Variants in SEPTIN9 observed in about 807,000 individuals in gnomAD.
SEPTIN9 encodes septin 9.
In SEPTIN9, 13 loss-of-function variants were observed where a neutral mutation model predicts 56.6. The ratio of observed to expected loss-of-function variants is 0.23; its 90% CI spans 0.15 to 0.37. The LOEUF (loss-of-function observed/expected upper bound fraction) is 0.37, where lower values mean the gene tolerates loss of function less well. SEPTIN9 is among the 10% of genes least tolerant of loss of function. The probability of loss-of-function intolerance (pLI) is 1.00; values close to 1 mark genes in which losing one functional copy is unlikely to be tolerated. For synonymous variants in SEPTIN9, 332 were observed against 334.1 expected (o/e 0.99, Z 0.07); for missense variants, 650 against 823.1 (o/e 0.79, Z 2.57).
intron 4 of SEPTIN9, among the ~76,000 whole-genome samples, chr17:77,484,604 G>GTGGTGA (rs1568111341): frequency 1.2e-4 from 17 of 147,240 alleles, no homozygotes; most frequent in East Asian, 4.1e-4. Context: ...TGTGATGGTG[G>GTGGTGA]TGGTGATGGT....
At chr17:77,412,251 C>T (rs560261238) in intron 3 of SEPTIN9, among the ~76,000 whole-genome samples, 4 of 152,048 alleles carry the variant, frequency 2.6e-5, no homozygotes, top group African/African-American at 7.2e-5. Context: ...GGGCCCTGTG[C>T]AGTGATGGTC....
intron 2 of SEPTIN9, among the ~76,000 whole-genome samples, chr17:77,359,117 G>A (rs1456470131): frequency 6.6e-6 from 1 of 152,186 alleles, no homozygotes; most frequent in Non-Finnish European, 1.5e-5. Flanking sequence ...TGACCTGAAA[G>A]TTAAACACTT....
intron 2 of SEPTIN9, among the ~76,000 whole-genome samples, chr17:77,372,934 G>A (rs776253303): frequency 4.6e-5 from 7 of 152,186 alleles, no homozygotes; most frequent in Admixed American, 1.3e-4. Flanking sequence ...ACTTTGTTTG[G>A]CTGCCCAAAT....
At chr17:77,299,229 G>A (rs1249409514) in intron 1 of SEPTIN9, among the ~76,000 whole-genome samples, 1 of 152,200 alleles carries the variant, frequency 6.6e-6, no homozygotes, top group Non-Finnish European at 1.5e-5. Flanking sequence ...GCCCAAGGGA[G>A]CTAAAGGCCA....
intron 4 of SEPTIN9, among the ~76,000 whole-genome samples, chr17:77,485,053 T>G (rs1414830757): frequency 1.8e-4 from 2 of 11,156 alleles, no homozygotes; most frequent in African/African-American, 2.9e-4. Flanking sequence ...TGGTGGTGAT[T>G]GTGGTGGTGG....
intron 2 of SEPTIN9, among the ~76,000 whole-genome samples, chr17:77,396,144 G>A (rs367672642): frequency 4.3e-4 from 65 of 152,198 alleles, no homozygotes; most frequent in East Asian, 3.9e-3. Context: ...CTCTATGGGT[G>A]GGGGGGTGAC....
In SEPTIN9 at chr17:77,437,139, A is replaced by AC. The variant is rs2037372247; in HGVS notation, c.721+34441dup. Among the ~76,000 whole-genome samples, 1 of 151,742 alleles carries AC rather than the reference A, an allele frequency of 6.6e-6. No homozygotes were observed. The highest frequency in any genetic ancestry group is 1.5e-5 in the Non-Finnish European group (1 of 67,906). On this transcript the variant is annotated intron_variant, in intron 3 of 11. Coordinates refer to ENST00000427177, the MANE Select transcript of SEPTIN9 (RefSeq NM_001113491.2). The surrounding 1 kb of genome is among the most constrained non-coding windows in gnomAD (Gnocchi z 5.3). ...TTGGCATCAGCATCCCTGCCTTGAC[A>AC]CCCCCGTGTGGCAGCTGCTGTGATT...
intron 2 of SEPTIN9, chr17:77,373,579 C>T (rs1464807953): frequency 2.6e-6 from 4 of 1,541,288 alleles, no homozygotes; most frequent in Admixed American, 4.0e-5. Flanking sequence ...CTGCTGCGGC[C>T]GCGGACGTGC....
chr17:77,488,997 T>C (rs1257069240), intron 7 of SEPTIN9, 133 bp downstream of exon 7: 2 of 1,178,830 alleles, frequency 1.7e-6, no homozygotes, highest in Non-Finnish European at 2.4e-6. Context: ...GGCCGCCAGC[T>C]ATGAAGTTGG....
intron 2 of SEPTIN9, among the ~76,000 whole-genome samples, chr17:77,325,007 C>T (rs1468824569): frequency 6.6e-6 from 1 of 151,874 alleles, no homozygotes; most frequent in Non-Finnish European, 1.5e-5. Context: ...TTAGTAGAGA[C>T]GGGGTTTCAC....
chr17:77,392,234 T>C (rs2035564986), intron 2 of SEPTIN9, among the ~76,000 whole-genome samples: 1 of 151,916 alleles, frequency 6.6e-6, no homozygotes, highest in African/African-American at 2.4e-5. Context: ...ACCTCCGGAG[T>C]GCCTGGGACT....
In SEPTIN9 at chr17:77,390,047, G is replaced by A. The variant is rs903166659; in HGVS notation, c.77-12012G>A. Among the ~76,000 whole-genome samples, 12 of 152,288 alleles carry A rather than the reference G, an allele frequency of 7.9e-5. No homozygotes were observed. The East Asian group carries it at 1.7e-3, about 22-fold the overall frequency. On this transcript the variant is annotated intron_variant, in intron 2 of 11. Coordinates refer to ENST00000427177, the MANE Select transcript of SEPTIN9 (RefSeq NM_001113491.2). The stretch of plus-strand genomic sequence containing the variant: ...CGGGAGCAGGCACAGAGAGGCCTTC[G>A]TCCCGGATCAGTCGCTGTTGCCCTC...
chr17:77,410,706 A>AT (rs971922966), intron 3 of SEPTIN9, among the ~76,000 whole-genome samples: 3 of 152,128 alleles, frequency 2.0e-5, no homozygotes, highest in African/African-American at 7.2e-5. Flanking sequence ...CGCCTGGGGG[A>AT]TTCGTGTTAA....
Position 77,475,132 on chromosome 17 carries a change from C to T in SEPTIN9, c.722-7012C>T, listed in dbSNP as rs969388369. On this transcript the variant is annotated intron_variant, in intron 3 of 11. Coordinates refer to ENST00000427177, the MANE Select transcript of SEPTIN9 (RefSeq NM_001113491.2). The surrounding 1 kb of genome is among the most constrained non-coding windows in gnomAD (Gnocchi z 4.6). ...TTGCCGGGGCTTGCCGTGAGCCCTA[C>T]GCTGCTCTGAAGAAAGCCGGGCTGG... The T allele has an allele frequency of 2.1e-5, 17 of 821,032 alleles. No homozygotes were observed. Among genetic ancestry groups the T allele is most frequent in the African/African-American group, 1.6e-4 (9 of 56,252 alleles). The allele number at this position is 821,032 out of a possible 1,614,324, so 50.9% of individuals were successfully genotyped here.
In SEPTIN9 at chr17:77,451,665, G is replaced by A. The variant is rs2037977578; in HGVS notation, c.722-30479G>A. The stretch of plus-strand genomic sequence containing the variant: ...CGCTGTCCCTGGGCCCCGGCCCGAG[G>A]CCGGCAGGACCGAGCGGGGTCCCCA... On this transcript the variant is annotated intron_variant, in intron 3 of 11. Coordinates refer to ENST00000427177, the MANE Select transcript of SEPTIN9 (RefSeq NM_001113491.2). The surrounding 1 kb of genome is among the most constrained non-coding windows in gnomAD (Gnocchi z 4.2). 1.5e-6 allele frequency: 1 copy of A among 650,032 alleles called. No individual in the cohort carries two copies. Among genetic ancestry groups the A allele is most frequent in the Non-Finnish European group, 1.9e-6 (1 of 523,496 alleles). The allele number at this position is 650,032 out of a possible 1,614,324, so 40.3% of individuals were successfully genotyped here. A position where few individuals can be genotyped will look rare whatever the true frequency, so the allele number is the denominator to read the frequency against.
chr17:77,301,090 C>T (rs1416174330), intron 1 of SEPTIN9, among the ~76,000 whole-genome samples: 2 of 148,696 alleles, frequency 1.3e-5, no homozygotes, highest in Non-Finnish European at 3.0e-5. Flanking sequence ...CCATCCTAGG[C>T]TCAAACCGCC....
chr17:77,434,152 G>A lies in SEPTIN9; in HGVS notation c.721+31449G>A, dbSNP rs1232968628. Among the ~76,000 whole-genome samples the A allele has an allele frequency of 1.3e-5, 2 of 152,208 alleles. No individual in the cohort carries two copies. Among genetic ancestry groups the A allele is most frequent in the Non-Finnish European group, 2.9e-5 (2 of 68,024 alleles). On this transcript the variant is annotated intron_variant, in intron 3 of 11. Transcript: ENST00000427177. The surrounding 1 kb of genome is among the most constrained non-coding windows in gnomAD (Gnocchi z 5.0). Reference sequence around the variant, plus strand: ...GGAGGCCCTTGGTGGGAGAGGCAGGGCCCCTTCCCCTTTAATCTGGGCAAC... The same window carrying A: ...GGAGGCCCTTGGTGGGAGAGGCAGGACCCCTTCCCCTTTAATCTGGGCAAC...
intron 2 of SEPTIN9, among the ~76,000 whole-genome samples, chr17:77,354,313 T>C (rs947008710): frequency 1.3e-5 from 2 of 152,286 alleles, no homozygotes; most frequent in Non-Finnish European, 2.9e-5. Context: ...GTCTCTACCT[T>C]ACACGCACAT....
chr17:77,475,136 G>T lies in SEPTIN9; in HGVS notation c.722-7008G>T. 1 of 870,472 alleles carries T rather than the reference G, an allele frequency of 1.1e-6. No individual in the cohort carries two copies. 53.9% of individuals were successfully genotyped at this position (870,472 alleles called of 1,614,324 possible). A position where few individuals can be genotyped will look rare whatever the true frequency, so the allele number is the denominator to read the frequency against. On this transcript the variant is annotated intron_variant, in intron 3 of 11. Transcript: ENST00000427177. This position sits in a 1 kb window ranked among gnomAD's most constrained non-coding sequence, Gnocchi z 4.6. ...CGGGGCTTGCCGTGAGCCCTACGCTGCTCTGAAGAAAGCCGGGCTGGGGTG... is the reference window on the plus strand; with the variant it reads ...CGGGGCTTGCCGTGAGCCCTACGCTTCTCTGAAGAAAGCCGGGCTGGGGTG...
Sources: gnomAD v4.1 joint callset for allele counts (sites outside exome capture counted in the v4.1 genomes callset) on GRCh38, gnomAD v4.1.1 for gene constraint, Gnocchi (gnomAD v3.1) non-coding constraint, MANE v1.5 for transcripts, NCBI Gene and HGNC (gene_info 2026-07-23, HGNC 2026-07-21) for gene names.